PARD3: variants seen among roughly 807,000 people sequenced by gnomAD.
PARD3 encodes the protein par-3 family cell polarity regulator.
In PARD3, 75 loss-of-function variants were observed where a neutral mutation model predicts 155.4. The observed-to-expected ratio is 0.48, with a 90% confidence interval of 0.40 to 0.58. The LOEUF (loss-of-function observed/expected upper bound fraction) is 0.58, where lower values mean the gene tolerates loss of function less well. Among genes scored for constraint, PARD3 ranks in the 20% least tolerant of loss-of-function variants. The pLI is 0.00. For synonymous variants in PARD3, 576 were observed against 610.5 expected (o/e 0.94, Z 0.83); for missense variants, 1,642 against 1,721.7 (o/e 0.95, Z 0.82).
chr10:34,248,118 TG>T (rs1437243312), intron 22 of PARD3, among the ~76,000 whole-genome samples: 2 of 152,218 alleles, frequency 1.3e-5, no homozygotes, highest in Non-Finnish European at 2.9e-5. Flanking sequence ...TCCCTTAAGA[TG>T]GGTGTTTATA....
At chr10:34,415,303 A>G (rs1845557348) in intron 5 of PARD3, among the ~76,000 whole-genome samples, 1 of 152,214 alleles carries the variant, frequency 6.6e-6, no homozygotes, top group African/African-American at 2.4e-5. Flanking sequence ...ACACATGCAC[A>G]GTCGGCTCAG....
chr10:34,728,119 G>A (rs1455255051), intron 1 of PARD3, among the ~76,000 whole-genome samples: 1 of 151,646 alleles, frequency 6.6e-6, no homozygotes, highest in Admixed American at 6.6e-5. Flanking sequence ...TGATGAATCT[G>A]TAGGCAAGAA....
intron 23 of PARD3, among the ~76,000 whole-genome samples, chr10:34,128,070 T>C (rs1386701266): frequency 6.6e-6 from 1 of 152,168 alleles, no homozygotes; most frequent in African/African-American, 2.4e-5. Flanking sequence ...GGAACTTGTT[T>C]TATAACCTCC....
At chr10:34,582,869 C>G (rs1404353537) in intron 2 of PARD3, among the ~76,000 whole-genome samples, 1 of 152,168 alleles carries the variant, frequency 6.6e-6, no homozygotes, top group African/African-American at 2.4e-5. Context: ...AACCAGGTGC[C>G]CTTCTTCTTT....
At chr10:34,800,896 T>C (rs1842784504) in intron 1 of PARD3, among the ~76,000 whole-genome samples, 1 of 152,240 alleles carries the variant, frequency 6.6e-6, no homozygotes, top group East Asian at 1.9e-4. Flanking sequence ...GAGCTGAAAA[T>C]ACCACTCCCC....
At chr10:34,125,568 G>A (rs1011231597) in intron 23 of PARD3, among the ~76,000 whole-genome samples, 1 of 152,256 alleles carries the variant, frequency 6.6e-6, no homozygotes, top group African/African-American at 2.4e-5. Flanking sequence ...CAGGCACAGG[G>A]AGGCAATCTA....
chr10:34,643,203 G>A (rs1382510370), intron 2 of PARD3, among the ~76,000 whole-genome samples: 2 of 152,234 alleles, frequency 1.3e-5, no homozygotes, highest in African/African-American at 2.4e-5. Flanking sequence ...AAGGCCCCAC[G>A]GCTCTCACTG....
At chr10:34,679,039 G>A (rs2133315475) in intron 2 of PARD3, among the ~76,000 whole-genome samples, 1 of 152,142 alleles carries the variant, frequency 6.6e-6, no homozygotes, top group Non-Finnish European at 1.5e-5. Flanking sequence ...CAACAGCACA[G>A]ACTTCAAGAC....
At chr10:34,554,331 T>C (rs1211636629) in intron 2 of PARD3, among the ~76,000 whole-genome samples, 1 of 152,244 alleles carries the variant, frequency 6.6e-6, no homozygotes, top group Admixed American at 6.5e-5. Flanking sequence ...TCTAATTGAA[T>C]ATAAGGTTTT....
chr10:34,214,996 A>G (rs1236209093), intron 22 of PARD3, among the ~76,000 whole-genome samples: 1 of 152,160 alleles, frequency 6.6e-6, no homozygotes, highest in Non-Finnish European at 1.5e-5. Context: ...GCAGTGGCCC[A>G]TTTTGCTTAT....
chr10:34,804,741 G>C (rs1843158075), intron 1 of PARD3, among the ~76,000 whole-genome samples: 1 of 152,158 alleles, frequency 6.6e-6, no homozygotes, highest in African/African-American at 2.4e-5. Context: ...ATTGGACTTA[G>C]AGAAGAAAAT....
At position 34,794,171 on chromosome 10, in the gene PARD3, G is replaced by C. The variant is rs139242735; in HGVS notation, c.120+20705C>G. Among the ~76,000 whole-genome samples the C allele has an allele frequency of 1.2e-3, 185 of 152,284 alleles. 1 individual carries two copies. The highest frequency in any genetic ancestry group is 4.3e-3 in the African/African-American group (178 of 41,560). On this transcript the variant is annotated intron_variant, in intron 1 of 24. Coordinates refer to ENST00000374788, the MANE Select transcript of PARD3 (RefSeq NM_001184785.2). ...AAGGGGACAAGGGTTTCCACTTGCA[G>C]TGTCACCCTCAGTCCTGGCCATATA...
At chr10:34,771,531 T>C (rs949016171) in intron 1 of PARD3, among the ~76,000 whole-genome samples, 3 of 152,234 alleles carry the variant, frequency 2.0e-5, no homozygotes, top group Non-Finnish European at 4.4e-5. Flanking sequence ...GCAAAACAAT[T>C]TTTTAAAACA....
At chr10:34,333,970 C>T (rs921023261) in intron 18 of PARD3, among the ~76,000 whole-genome samples, 1 of 151,826 alleles carries the variant, frequency 6.6e-6, no homozygotes, top group African/African-American at 2.4e-5. Flanking sequence ...GATTCCCTAA[C>T]AATACAAACA....
At chr10:34,762,559 T>C (rs1837598984) in intron 1 of PARD3, among the ~76,000 whole-genome samples, 1 of 144,020 alleles carries the variant, frequency 6.9e-6, no homozygotes, top group African/African-American at 2.6e-5. Flanking sequence ...TCCTCCAGCC[T>C]CAGCCTCCCA....
At chr10:34,227,863 T>TATATATATATATATAC (rs1231771396) in intron 22 of PARD3, among the ~76,000 whole-genome samples, 15 of 122,032 alleles carry the variant, frequency 1.2e-4, no homozygotes, top group Non-Finnish European at 1.8e-5. Context: ...TTTTTATATA[T>TATATATATATATATAC]ATATATATAT....
intron 1 of PARD3, among the ~76,000 whole-genome samples, chr10:34,812,521 T>C (rs1034436087): frequency 1.3e-5 from 2 of 152,160 alleles, no homozygotes; most frequent in African/African-American, 2.4e-5. Flanking sequence ...ATGGGAAAAG[T>C]AGTAAGAAAG....
intron 2 of PARD3, among the ~76,000 whole-genome samples, chr10:34,528,381 T>C (rs1157996309): frequency 2.6e-5 from 4 of 152,194 alleles, no homozygotes; most frequent in African/African-American, 9.7e-5. Context: ...AGACACTTTA[T>C]CCTGCGGTTT....
In PARD3 at chr10:34,602,563, T is replaced by C. The variant is rs185571003; in HGVS notation, c.223-85404A>G. ...CACTAGAATGGAGTAAAAAAGAAAA[T>C]TGTGGAAAAATCATACGACAAAATA... On this transcript the variant is annotated intron_variant, in intron 2 of 24. Transcript: ENST00000374788. Among the ~76,000 whole-genome samples, 20 of 152,062 alleles carry C rather than the reference T, an allele frequency of 1.3e-4. No individual in the cohort carries two copies. The East Asian group carries it at 1.7e-3, about 13-fold the overall frequency.
Sources: allele counts gnomAD v4.1 joint callset (sites outside exome capture counted in the v4.1 genomes callset), GRCh38; gene constraint gnomAD v4.1.1; transcripts MANE v1.5; gene names NCBI Gene and HGNC (gene_info 2026-07-23, HGNC 2026-07-21).